TOR1AIP1: variants seen among roughly 807,000 people sequenced by gnomAD.
The protein encoded by TOR1AIP1 is torsin-1A-interacting protein 1.
TOR1AIP1 carries 54 observed loss-of-function variants against 63.3 expected under a neutral mutation model. The observed-to-expected ratio is 0.85, with a 90% CI of 0.69 to 1.07. The LOEUF is 1.07. Among genes scored for constraint, TOR1AIP1 ranks in the 50% least tolerant of loss-of-function variants. TOR1AIP1 has a pLI of 0.00. For synonymous variants in TOR1AIP1, 294 were observed against 273.5 expected, an observed-to-expected ratio of 1.07 and a Z score of -0.74; for missense variants, 736 against 715.0, an observed-to-expected ratio of 1.03 and a Z score of -0.33.
intron 8 of TOR1AIP1, chr1:179,913,741 C>T: frequency 1.5e-6 from 1 of 687,790 alleles, no homozygotes; most frequent in South Asian, 1.6e-5. Context: ...TCCAAACTTT[C>T]TCTCAAAACT....
intron 8 of TOR1AIP1, among the ~76,000 whole-genome samples, chr1:179,913,338 A>G (rs574590766): frequency 1.3e-5 from 2 of 152,280 alleles, no homozygotes; most frequent in South Asian, 2.1e-4. Context: ...TTTGAGCTCT[A>G]TTGTTTAACC....
intron 5 of TOR1AIP1, 130 bp downstream of exon 5, chr1:179,901,518 T>G (rs1648465014): frequency 2.1e-6 from 1 of 465,984 alleles, no homozygotes; most frequent in African/African-American, 2.0e-5. Flanking sequence ...TTTCTTTAAA[T>G]ATTTATTAAA....
Position 179,882,945 on chromosome 1 carries a change from G to A in TOR1AIP1, c.443G>A (p.Arg148Lys). Reference protein sequence around the residue: ...PPLQPSPVMTRRGLRDSHSSE... With the variant: ...PPLQPSPVMTKRGLRDSHSSE... ...CTACAGCCGTCTCCTGTTATGACCA[G>A]GAGAGGGCTGCGGGACTCTCATTCC... The change falls in exon 1 of 10, where the codon AGG becomes AAG. Residue 148 changes from arginine to lysine, a missense_variant. Physicochemically the swap from Arg to Lys is conservative, Grantham distance 26. Around this residue, in one of 2 missense-constraint regions of TOR1AIP1, gnomAD observed 464 missense variants for 371.0 expected, o/e 1.25. Transcript: ENST00000606911. The A allele has an allele frequency of 3.1e-6, 5 of 1,613,658 alleles. No individual in the cohort carries two copies. The highest frequency in any genetic ancestry group is 4.2e-6 in the Non-Finnish European group (5 of 1,179,928).
In TOR1AIP1 at chr1:179,900,481, A is replaced by G; in HGVS notation, c.652+314A>G. ...CAGTTCAGAAACGGACCAGGTCAAA[A>G]CTCCCGTGCTGATCAGTAGTGGGAT... is the stretch of plus-strand genomic sequence containing the variant. On this transcript the variant is annotated intron_variant, in intron 4 of 9. Coordinates refer to ENST00000606911, the MANE Select transcript of TOR1AIP1 (RefSeq NM_015602.4). 1.7e-5 allele frequency: 3 copies of G among 178,986 alleles called. 1 individual carries two copies. The South Asian group carries it at 4.1e-4, about 24-fold the overall frequency. 11.1% of individuals were successfully genotyped at this position (178,986 alleles called of 1,614,324 possible).
intron 3 of TOR1AIP1, among the ~76,000 whole-genome samples, chr1:179,890,113 A>G (rs1482024291): frequency 6.6e-6 from 1 of 152,190 alleles, no homozygotes; most frequent in African/African-American, 2.4e-5. Context: ...TTCTTCCAGT[A>G]TACTGCTAAC....
At chr1:179,907,684 G>T in intron 6 of TOR1AIP1, 139 bp from the exon 7 acceptor site, 2 of 337,196 alleles carry the variant, frequency 5.9e-6, no homozygotes, top group Non-Finnish European at 5.3e-6. Flanking sequence ...ATATTTATAT[G>T]CTTGGAATTG....
At position 179,882,638 on chromosome 1, in the gene TOR1AIP1, A is replaced by G. The variant is rs968132851; in HGVS notation, c.136A>G (p.Arg46Gly). 1 of 1,564,842 alleles carries G rather than the reference A, an allele frequency of 6.4e-7. No individual in the cohort carries two copies. Residue 46 changes from arginine (R) to glycine (G), a missense_variant, in exon 1 of 10, where the codon AGA becomes GGA. By Grantham distance (125) the Arg-to-Gly change is moderately radical (BLOSUM62 -2). Around this residue, in one of 2 missense-constraint regions of TOR1AIP1, gnomAD observed 464 missense variants for 371.0 expected, o/e 1.25. Coordinates refer to ENST00000606911, the MANE Select transcript of TOR1AIP1 (RefSeq NM_015602.4). ...CGGCAGCAGCGATGCGCCTGCGTAC[A>G]GAACTCCTCCGTCGCGCCAGGGCCG... ...NGGSSDAPAYRTPPSRQGRRE... is the reference protein window; with the variant it reads ...NGGSSDAPAYGTPPSRQGRRE...
chr1:179,896,853 T>C (rs547921632), intron 3 of TOR1AIP1, among the ~76,000 whole-genome samples: 115 of 152,308 alleles, frequency 7.6e-4, no homozygotes, highest in African/African-American at 2.7e-3. Context: ...TAGAATGACA[T>C]TCGAAATCAT....
chr1:179,906,986 C>G (rs1648658075), intron 6 of TOR1AIP1, among the ~76,000 whole-genome samples: 1 of 151,760 alleles, frequency 6.6e-6, no homozygotes, highest in African/African-American at 2.4e-5. Context: ...ATCCACCTGC[C>G]TTGGCCTCCC....
At chr1:179,894,468 C>T (rs896622487) in intron 3 of TOR1AIP1, among the ~76,000 whole-genome samples, 5 of 152,020 alleles carry the variant, frequency 3.3e-5, no homozygotes, top group Non-Finnish European at 5.9e-5. Context: ...GGACGGATCA[C>T]CTGAGGTCAG....
rs747941751 is a variant in TOR1AIP1, at chr1:179,889,384, G to GT, written c.610+16dup. ...CCCAAGATATGGTAAGAGATTGTTT[G>GT]TCTGTTGGTTTACCTTTGTTATAAA... On this transcript the variant is annotated intron_variant, in intron 3 of 9. Transcript: ENST00000606911. The GT allele has an allele frequency of 1.9e-6, 3 of 1,597,270 alleles. No individual in the cohort carries two copies. Among genetic ancestry groups the GT allele is most frequent in the Non-Finnish European group, 2.6e-6 (3 of 1,167,918 alleles).
rs1319324892 is a variant in TOR1AIP1 at position 179,917,684 on chromosome 1, T to C, written c.1197T>C (p.Asn399=). ...AAACATTCCTGGAAAAACATCTTAA[T>C]AGCTCCCATCCTCGGTCTCAGCCTG... ...RSQTFLEKHL[N]SSHPRSQPAI... is the part of the protein sequence containing the mutation. The change falls in exon 10 of 10, where the codon AAT becomes AAC. Residue 399 remains asparagine (N), a synonymous_variant. Transcript: ENST00000606911. 1 of 1,614,210 alleles carries C rather than the reference T, an allele frequency of 6.2e-7. No individual in the cohort carries two copies. Among genetic ancestry groups the C allele is most frequent in the Admixed American group, 1.7e-5 (1 of 60,024 alleles).
At position 179,917,621 on chromosome 1, in the gene TOR1AIP1, G is replaced by T; in HGVS notation, c.1134G>T (p.Lys378Asn). The T allele has an allele frequency of 1.9e-6, 3 of 1,614,128 alleles. No individual in the cohort carries two copies. Among genetic ancestry groups the T allele is most frequent in the Non-Finnish European group, 2.5e-6 (3 of 1,180,022 alleles). The change falls in exon 10 of 10, where the codon AAG (lysine) becomes AAT (asparagine). Residue 378 changes from lysine (K) to asparagine (N), a missense_variant. By Grantham distance (94) the Lys-to-Asn change is moderately conservative. Transcript: ENST00000606911. ...FQNQMNQLKN[K>N]YQGQDEKLWK... is the part of the protein sequence containing the mutation. ...ACCAGATGAATCAACTTAAGAATAA[G>T]TACCAAGGTCAAGATGAGAAGCTGT...
At chr1:179,894,721 T>C (rs551335521) in intron 3 of TOR1AIP1, among the ~76,000 whole-genome samples, 1 of 152,162 alleles carries the variant, frequency 6.6e-6, no homozygotes, top group South Asian at 2.1e-4. Flanking sequence ...CAATGACTCC[T>C]GTGTTCTATC....
chr1:179,885,894 C>T (rs1431737312), intron 2 of TOR1AIP1, among the ~76,000 whole-genome samples: 1 of 152,088 alleles, frequency 6.6e-6, no homozygotes, highest in Non-Finnish European at 1.5e-5. Flanking sequence ...GCGCCTGACA[C>T]CACACCTGGC....
At chr1:179,883,139 C>T (rs1647793178) in intron 1 of TOR1AIP1, 162 bp downstream of exon 1, 2 of 681,926 alleles carry the variant, frequency 2.9e-6, no homozygotes, top group East Asian at 5.5e-5. Flanking sequence ...GCAAGGGCCA[C>T]CCTGACCCGC....
chr1:179,893,485 C>T (rs978151110), intron 3 of TOR1AIP1, among the ~76,000 whole-genome samples: 7 of 151,952 alleles, frequency 4.6e-5, no homozygotes, highest in African/African-American at 7.2e-5. Flanking sequence ...CTGTCACCCA[C>T]GCTGGACTGT....
At chr1:179,893,908 T>C (rs530943019) in intron 3 of TOR1AIP1, among the ~76,000 whole-genome samples, 1 of 152,308 alleles carries the variant, frequency 6.6e-6, no homozygotes, top group African/African-American at 2.4e-5. Context: ...GCTTAAAATA[T>C]CTACTATTTA....
chr1:179,907,910 T>TA, intron 7 of TOR1AIP1, 46 bp downstream of exon 7: 1 of 994,528 alleles, frequency 1.0e-6, no homozygotes, highest in Non-Finnish European at 1.4e-6. Flanking sequence ...TCAATTCTTT[T>TA]CTCTTTTTTT....
Sources: gnomAD v4.1 joint callset for allele counts (sites outside exome capture counted in the v4.1 genomes callset) on GRCh38, gnomAD v4.1.1 for gene constraint, gnomAD v4.1.1 regional missense constraint, MANE v1.5 for transcripts, NCBI Gene and HGNC (gene_info 2026-07-23, HGNC 2026-07-21) for gene names.